Variants in LAMB1 observed in about 807,000 individuals in gnomAD.
The protein encoded by LAMB1 is laminin subunit beta-1.
LAMB1 carries 121 observed loss-of-function variants against 222.3 expected under a neutral mutation model. The ratio of observed to expected loss-of-function variants is 0.54; its 90% CI spans 0.47 to 0.63. The LOEUF is 0.63. Among genes scored for constraint, LAMB1 ranks in the 30% least tolerant of loss-of-function variants. The pLI is 0.00. For missense variants in LAMB1, 2,172 were observed against 2,240.8 expected (o/e 0.97, Z 0.62); for synonymous variants, 794 against 807.2 (o/e 0.98, Z 0.28).
At chr7:107,986,141 G>A (rs1231097940) in intron 6 of LAMB1, 34 bp downstream of exon 6, 1 of 1,610,294 alleles carries the variant, frequency 6.2e-7, no homozygotes, top group African/African-American at 1.3e-5. Context: ...AAGTAGATTT[G>A]CAAGTAGAAT....
At chr7:107,964,261 A>G (rs1225072065) in intron 14 of LAMB1, among the ~76,000 whole-genome samples, 2 of 152,222 alleles carry the variant, frequency 1.3e-5, no homozygotes, top group Non-Finnish European at 2.9e-5. Context: ...TTACCATGCT[A>G]GGTTGATAAC....
At chr7:107,928,016 A>T (rs2032606046) in intron 31 of LAMB1, among the ~76,000 whole-genome samples, 1 of 152,236 alleles carries the variant, frequency 6.6e-6, no homozygotes, top group African/African-American at 2.4e-5. Flanking sequence ...TAGGGATTAG[A>T]TAACTCATCA....
intron 24 of LAMB1, among the ~76,000 whole-genome samples, chr7:107,948,280 C>T (rs2033166563): frequency 6.6e-6 from 1 of 152,170 alleles, no homozygotes; most frequent in African/African-American, 2.4e-5. Flanking sequence ...AACCACCGTG[C>T]CCGGCTAACA....
At chr7:108,002,588 C>T (rs2034412528) in intron 2 of LAMB1, among the ~76,000 whole-genome samples, 1 of 152,198 alleles carries the variant, frequency 6.6e-6, no homozygotes, top group Admixed American at 6.5e-5. Flanking sequence ...GGGTGCAAAA[C>T]CCTGAGCGGG....
At position 107,961,286 on chromosome 7, in the gene LAMB1, T is replaced by G; in HGVS notation, c.2029A>C (p.Asn677His). Reference protein sequence around the residue: ...PRPVCFEKGTNYTVRLELPQY... With the variant: ...PRPVCFEKGTHYTVRLELPQY... ...GGCAGCTCCAACCTCACCGTGTAGT[T>G]TGTTCCCTTCTCAAAGCACACCGGC... Residue 677 changes from asparagine to histidine, a missense_variant, in exon 17 of 34, where the codon AAC (asparagine) becomes CAC (histidine). Physicochemically the swap from Asn to His is moderately conservative, Grantham distance 68. Transcript: ENST00000222399. The G allele has an allele frequency of 6.2e-7, 1 of 1,614,060 alleles. No individual in the cohort carries two copies. Among genetic ancestry groups the G allele is most frequent in the Non-Finnish European group, 8.5e-7 (1 of 1,179,996 alleles).
chr7:107,948,690 G>A lies in LAMB1; in HGVS notation c.3391+2536C>T, dbSNP rs115349257. 4.6e-3 allele frequency among the ~76,000 whole-genome samples: 698 copies of A among 152,240 alleles called. 8 individuals carry two copies. The highest frequency in any genetic ancestry group is 0.015 in the African/African-American group (633 of 41,556). On this transcript the variant is annotated intron_variant, in intron 24 of 33. Coordinates refer to ENST00000222399, the MANE Select transcript of LAMB1 (RefSeq NM_002291.3). ...AGTATACTGGGTGAGGAGATGAGAA[G>A]GGACTTTGTTTTCTTCTAATACAGG...
intron 3 of LAMB1, among the ~76,000 whole-genome samples, chr7:107,998,724 T>G (rs1429559326): frequency 3.3e-5 from 5 of 152,122 alleles, no homozygotes; most frequent in Non-Finnish European, 7.4e-5. Flanking sequence ...AGATCTAAAG[T>G]AAAAGAGGGC....
At position 107,931,126 on chromosome 7, in the gene LAMB1, T is replaced by C. The variant is rs553765624; in HGVS notation, c.4537+230A>G. 7.2e-5 allele frequency among the ~76,000 whole-genome samples: 11 copies of C among 152,332 alleles called. No individual in the cohort carries two copies. In the South Asian group the frequency reaches 2.3e-3, roughly 32 times the overall value. On this transcript the variant is annotated intron_variant, in intron 29 of 33. Coordinates refer to ENST00000222399, the MANE Select transcript of LAMB1 (RefSeq NM_002291.3). ...AATTTTCAATGTAAATATTTGACTT[T>C]TGATTGGCTACCTGAGTATCCCATC...
intron 5 of LAMB1, among the ~76,000 whole-genome samples, chr7:107,991,416 C>T (rs952023347): frequency 1.3e-5 from 2 of 151,796 alleles, no homozygotes; most frequent in Non-Finnish European, 2.9e-5. Context: ...GGTGAAGCCC[C>T]GTCTCTACTA....
At chr7:107,958,024 G>A (rs1409505968) in intron 20 of LAMB1, among the ~76,000 whole-genome samples, 1 of 152,154 alleles carries the variant, frequency 6.6e-6, no homozygotes. Context: ...TGCTGATTCT[G>A]AATCAGCATT....
At position 107,935,414 on chromosome 7, in the gene LAMB1, C is replaced by G. The variant is rs142670565; in HGVS notation, c.4188+1G>C. Reference sequence around the variant, plus strand: ...AGTAAGGCCACATCCCCAAACCTTACCATTTCGGCAGCGGCTGAAAGGTCT... The same window carrying G: ...AGTAAGGCCACATCCCCAAACCTTAGCATTTCGGCAGCGGCTGAAAGGTCT... On this transcript the variant is annotated splice_donor_variant, in intron 27 of 33. Transcript: ENST00000222399. LOFTEE classifies it high-confidence loss of function. 9.6e-6 allele frequency: 14 copies of G among 1,458,178 alleles called. No individual in the cohort carries two copies. Among genetic ancestry groups the G allele is most frequent in the Non-Finnish European group, 1.3e-5 (14 of 1,089,120 alleles). The allele number at this position is 1,458,178 out of a possible 1,614,324, so 90.3% of individuals were successfully genotyped here.
Position 107,926,335 on chromosome 7 carries a change from C to T in LAMB1, c.4912G>A (p.Glu1638Lys). 2 of 1,613,826 alleles carry T rather than the reference C, an allele frequency of 1.2e-6. No homozygotes were observed. Among genetic ancestry groups the T allele is most frequent in the Admixed American group, 1.7e-5 (1 of 59,980 alleles). Reference sequence around the variant, plus strand: ...TGGGACGCGTTGAACAAGGTTTCCTCAGAAGCTGCTGTTTCAGACTCAATC... The same window carrying T: ...TGGGACGCGTTGAACAAGGTTTCCTTAGAAGCTGCTGTTTCAGACTCAATC... ...TSIESETAAS[E>K]ETLFNASQRI... Residue 1638 changes from glutamate (E) to lysine (K), a missense_variant, in exon 32 of 34, where the codon GAG becomes AAG. Glu to Lys is a moderately conservative substitution (Grantham distance 56, BLOSUM62 1). Coordinates refer to ENST00000222399, the MANE Select transcript of LAMB1 (RefSeq NM_002291.3).
intron 24 of LAMB1, among the ~76,000 whole-genome samples, chr7:107,950,121 T>C (rs1224590286): frequency 6.6e-6 from 1 of 151,996 alleles, no homozygotes; most frequent in Non-Finnish European, 1.5e-5. Context: ...CTCCAGTTAT[T>C]TGGGAGGCTG....
intron 14 of LAMB1, 103 bp downstream of exon 14, chr7:107,964,449 A>G: frequency 7.3e-7 from 1 of 1,367,494 alleles, no homozygotes; most frequent in South Asian, 1.3e-5. Context: ...CTCACTGACA[A>G]AGCTATAAAA....
rs376567054 is a variant in LAMB1 at position 107,964,556 on chromosome 7, C to T, written c.1694G>A (p.Gly565Glu). 55 of 1,614,028 alleles carry T rather than the reference C, an allele frequency of 3.4e-5. No homozygotes were observed. Among genetic ancestry groups the T allele is most frequent in the Non-Finnish European group, 3.1e-5 (36 of 1,180,006 alleles). Residue 565 changes from glycine to glutamate, a missense_variant, in exon 14 of 34, where the codon GGG becomes GAG. Transcript: ENST00000222399. ...YLYEAEEANL[G>E]PGVSIVERQY... ...GCCACACACTCCCCTACTCACAGGC[C>T]CCAAGTTGGCTTCCTCCGCTTCATA... is the stretch of plus-strand genomic sequence containing the variant.
intron 8 of LAMB1, 128 bp downstream of exon 8, chr7:107,980,481 A>G (rs2033950363): frequency 1.4e-6 from 1 of 708,108 alleles, no homozygotes; most frequent in Non-Finnish European, 2.4e-6. Flanking sequence ...TATGGTGCAA[A>G]GGGCTAAATG....
At chr7:107,958,937 C>T (rs997113595) in intron 20 of LAMB1, among the ~76,000 whole-genome samples, 9 of 152,274 alleles carry the variant, frequency 5.9e-5, no homozygotes, top group East Asian at 1.9e-4. Context: ...TCTTATCCTC[C>T]GCCAGAATCT....
In LAMB1 at chr7:107,960,525, C is replaced by T. The variant is rs1584508106; in HGVS notation, c.2234G>A (p.Ser745Asn). The T allele has an allele frequency of 2.5e-6, 4 of 1,614,222 alleles. No homozygotes were observed. Among genetic ancestry groups the T allele is most frequent in the East Asian group, 2.2e-5 (1 of 44,882 alleles). The change falls in exon 18 of 34, where the codon AGC becomes AAC. Residue 745 changes from serine to asparagine, a missense_variant. By Grantham distance (46) the Ser-to-Asn change is conservative. Transcript: ENST00000222399. The stretch of plus-strand genomic sequence containing the variant: ...ATCTGTCATCGGTGTTTTCACAACG[C>T]TTCTGCTGTTCTCTAGACATCGGTA... Reference protein sequence around the residue: ...QRYRCLENSRSVVKTPMTDVC... With the variant: ...QRYRCLENSRNVVKTPMTDVC...
chr7:107,964,113 G>A (rs2150430888), intron 14 of LAMB1, among the ~76,000 whole-genome samples: 1 of 152,274 alleles, frequency 6.6e-6, no homozygotes, highest in East Asian at 1.9e-4. Flanking sequence ...AAAGAAAAAA[G>A]AAAGGTCGTG....
Sources: allele counts gnomAD v4.1 joint callset (sites outside exome capture counted in the v4.1 genomes callset), GRCh38; gene constraint gnomAD v4.1.1; transcripts MANE v1.5; gene names NCBI Gene and HGNC (gene_info 2026-07-23, HGNC 2026-07-21).